Variants in CCNH observed in about 807,000 individuals in gnomAD.
CCNH encodes cyclin H.
A neutral mutation model predicts 41.9 loss-of-function variants in CCNH; 31 were observed. The observed-to-expected ratio is 0.74, with a 90% CI of 0.56 to 1.00. The LOEUF (loss-of-function observed/expected upper bound fraction) is 1.00, where lower values mean the gene tolerates loss of function less well. Among genes scored for constraint, CCNH ranks in the 50% least tolerant of loss-of-function variants. The pLI is 0.00. For synonymous variants in CCNH, 138 were observed against 136.1 expected (o/e 1.01, Z -0.10); for missense variants, 362 against 388.4 (o/e 0.93, Z 0.57).
Position 87,407,967 on chromosome 5 carries a change from C to T in CCNH, c.525+9G>A, listed in dbSNP as rs1763920643. 6.3e-7 allele frequency: 1 copy of T among 1,588,352 alleles called. No homozygotes were observed. The highest frequency in any genetic ancestry group is 1.3e-5 in the African/African-American group (1 of 74,332). On this transcript the variant is annotated intron_variant, in intron 4 of 8. Transcript: ENST00000256897. The stretch of plus-strand genomic sequence containing the variant: ...AATGTAGTATTAGTTTATTTTACAT[C>T]AAGTTTACCTTTAAGTCGATGAGGA...
At position 87,394,486 on chromosome 5, in the gene CCNH, TAAG is replaced by T. The variant is rs1403629303; in HGVS notation, c.934-5_934-3del. 1.9e-6 allele frequency: 3 copies of T among 1,613,164 alleles called. No individual in the cohort carries two copies. Among genetic ancestry groups the T allele is most frequent in the Non-Finnish European group, 2.5e-6 (3 of 1,179,536 alleles). ...CAGGTCGTCATCAGTCCATTCTTCC[TAAG>T]AAGGAAAAAAAGTGTGGTAAGGATA... On this transcript the variant is annotated splice_region_variant and splice_polypyrimidine_tract_variant and intron_variant, in intron 8 of 8. Coordinates refer to ENST00000256897, the MANE Select transcript of CCNH (RefSeq NM_001239.4).
At chr5:87,389,659 A>G, downstream of CCNH, 1 of 1,217,478 alleles carries the variant, frequency 8.2e-7, no homozygotes, top group South Asian at 1.3e-5. Context: ...TCATATTACA[A>G]AAGATCTCAG....
At position 87,412,808 on chromosome 5, in the gene CCNH, C is replaced by A. The variant is rs774101668; in HGVS notation, c.-14G>T. ...GTTGTGGTACATTATGGAATCGTGA[C>A]CAGGTCCAGAGGGTCTGCAGACGAG... On this transcript the variant is annotated 5_prime_UTR_variant, in exon 1 of 9. Transcript: ENST00000256897. The A allele has an allele frequency of 2.5e-6, 4 of 1,613,694 alleles. No homozygotes were observed. The highest frequency in any genetic ancestry group is 3.4e-6 in the Non-Finnish European group (4 of 1,179,726).
chr5:87,347,656 A>G (rs949858955), intron 9 of CCNH, among the ~76,000 whole-genome samples: 7 of 152,004 alleles, frequency 4.6e-5, no homozygotes, highest in Non-Finnish European at 8.8e-5. Flanking sequence ...GAAAGATTTG[A>G]GATAGTTTTT....
chr5:87,345,663 C>T (rs570625716), intron 9 of CCNH, among the ~76,000 whole-genome samples: 1 of 152,188 alleles, frequency 6.6e-6, no homozygotes, highest in African/African-American at 2.4e-5. Context: ...TTTAAAAATT[C>T]AGTTATATTT....
At chr5:87,349,390 T>G in intron 9 of CCNH, 1 of 1,609,592 alleles carries the variant, frequency 6.2e-7, no homozygotes, top group East Asian at 2.2e-5. Context: ...TTAGCTATCT[T>G]TTACTTTTCG....
chr5:87,374,117 C>G (rs1484581571), downstream of CCNH: 1 of 1,273,982 alleles, frequency 7.8e-7, no homozygotes, highest in Non-Finnish European at 1.0e-6. Flanking sequence ...TAGTGCAATT[C>G]TAGAAATCTG....
intron 9 of CCNH, chr5:87,366,515 T>A (rs1367912899): frequency 4.9e-6 from 1 of 202,196 alleles, no homozygotes; most frequent in African/African-American, 2.3e-5. Flanking sequence ...AAGAAAGGAG[T>A]TTCTGTCTGG....
At chr5:87,376,717 G>T in exon 1 of CCNH, 2 of 1,208,762 alleles carry the variant, frequency 1.7e-6, no homozygotes, top group Non-Finnish European at 2.3e-6. Context: ...TGTAATTTTG[G>T]TAGAAATAAG....
intron 9 of CCNH, chr5:87,385,502 G>A (rs1580408074): frequency 2.5e-6 from 2 of 794,750 alleles, no homozygotes; most frequent in South Asian, 3.1e-5. Flanking sequence ...AGCGATGAAA[G>A]ATTATTTTTG....
rs772563173 is a variant in CCNH at position 87,346,591 on chromosome 5, C to A, written c.*91-27694G>T. The stretch of plus-strand genomic sequence containing the variant: ...ATTTTATCACTTTGAATTAAACTTA[C>A]TATATTGGTTGTTTAATTTTGATCA... On this transcript the variant is annotated intron_variant and NMD_transcript_variant, in intron 9 of 9. Transcript: ENST00000645953. 8.8e-5 allele frequency: 71 copies of A among 806,562 alleles called. 1 individual carries two copies. The highest frequency in any genetic ancestry group is 2.4e-4 in the Admixed American group (11 of 44,978). The allele number at this position is 806,562 out of a possible 1,614,324, so 50.0% of individuals were successfully genotyped here.
chr5:87,389,306 G>A (rs181818829), downstream of CCNH: 493 of 1,530,732 alleles, frequency 3.2e-4, 3 homozygotes, highest in African/African-American at 6.1e-3. Context: ...ATTTCAGCCT[G>A]GGCAACAAGA....
At chr5:87,338,503 A>ATATATT (rs1279522051) in intron 9 of CCNH, among the ~76,000 whole-genome samples, 41 of 10,708 alleles carry the variant, frequency 3.8e-3, no homozygotes, top group Non-Finnish European at 7.5e-3. Flanking sequence ...AGCTAATTTT[A>ATATATT]TATATATATA....
chr5:87,381,701 G>C (rs1761726971), upstream of CCNH, among the ~76,000 whole-genome samples: 1 of 152,114 alleles, frequency 6.6e-6, no homozygotes, highest in South Asian at 2.1e-4. Context: ...AGAATTACAA[G>C]CATAATATTC....
chr5:87,376,623 T>A, exon 1 of CCNH: 1 of 1,554,634 alleles, frequency 6.4e-7, no homozygotes, highest in Non-Finnish European at 8.9e-7. Flanking sequence ...ATTTAACATT[T>A]AATAAAAGAT....
At position 87,354,730 on chromosome 5, in the gene CCNH, G is replaced by T. The variant is rs73156380; in HGVS notation, c.*91-35833C>A. On this transcript the variant is annotated intron_variant and NMD_transcript_variant, in intron 9 of 9. Coordinates refer to the CCNH transcript ENST00000645953. ...GGAGGCATGGTGAAAGCCAAAATAG[G>T]CTGAAAGCTAGGTCTCTTGCACCAA... Among the ~76,000 whole-genome samples, 260 of 152,252 alleles carry T rather than the reference G, an allele frequency of 1.7e-3. 1 individual carries two copies. Among genetic ancestry groups the T allele is most frequent in the Middle Eastern group, 0.017 (5 of 294 alleles).
At chr5:87,323,468 A>G (rs562727322) in intron 9 of CCNH, among the ~76,000 whole-genome samples, 5 of 152,286 alleles carry the variant, frequency 3.3e-5, no homozygotes, top group African/African-American at 1.2e-4. Flanking sequence ...TATTGCTGAT[A>G]CCAGATGAAA....
chr5:87,363,740 C>G (rs1760292463), intron 9 of CCNH, among the ~76,000 whole-genome samples: 1 of 151,888 alleles, frequency 6.6e-6, no homozygotes, highest in South Asian at 2.1e-4. Context: ...ATGTTTTGTC[C>G]CTGCCCCAAC....
At chr5:87,379,694 A>C (rs143187583), upstream of CCNH, 27,937 of 1,603,834 alleles carry the variant, frequency 0.017, 326 homozygotes, top group Middle Eastern at 0.043. Context: ...TGCATTTGTC[A>C]TTGCCAACAT....
Sources: gnomAD v4.1 joint callset for allele counts (sites outside exome capture counted in the v4.1 genomes callset) on GRCh38, gnomAD v4.1.1 for gene constraint, MANE v1.5 for transcripts, NCBI Gene and HGNC (gene_info 2026-07-23, HGNC 2026-07-21) for gene names.